The following PIK3C2A variants were observed in gnomAD, a reference collection of about 807,000 sequenced individuals.
PIK3C2A encodes the protein phosphatidylinositol-4-phosphate 3-kinase catalytic subunit type 2 alpha.
In PIK3C2A, 97 loss-of-function variants were observed where a neutral mutation model predicts 204.5. That is an observed-to-expected ratio of 0.47 (90% CI 0.40 to 0.56). PIK3C2A has a LOEUF of 0.56. PIK3C2A is among the 20% of genes least tolerant of loss of function. The pLI is 0.00. For synonymous variants in PIK3C2A, 653 were observed against 664.4 expected (o/e 0.98, Z 0.26); for missense variants, 1,735 against 1,969.2 (o/e 0.88, Z 2.25).
intron 15 of PIK3C2A, among the ~76,000 whole-genome samples, chr11:17,120,912 C>T (rs1002639308): frequency 5.9e-5 from 9 of 152,018 alleles, no homozygotes; most frequent in Non-Finnish European, 8.8e-5. Context: ...CAGGTTCAAG[C>T]GATTCTCCTG....
chr11:17,098,374 AC>A (rs751423878), intron 26 of PIK3C2A, among the ~76,000 whole-genome samples: 4 of 152,236 alleles, frequency 2.6e-5, no homozygotes, highest in Non-Finnish European at 5.9e-5. Context: ...AGTTCTCCCT[AC>A]CATGTGAGGA....
At chr11:17,090,206 C>A (rs970322172) in intron 32 of PIK3C2A, among the ~76,000 whole-genome samples, 2 of 152,158 alleles carry the variant, frequency 1.3e-5, no homozygotes, top group Admixed American at 1.3e-4. Context: ...TGGTGGCTCA[C>A]GCCTGTAATC....
intron 1 of PIK3C2A, among the ~76,000 whole-genome samples, chr11:17,180,598 G>A (rs564195842): frequency 2.0e-4 from 30 of 151,402 alleles, no homozygotes; most frequent in African/African-American, 7.0e-4. Context: ...GAGACAGGTG[G>A]ATCACCTGAG....
At chr11:17,194,087 C>A in intron 1 of PIK3C2A, 1 of 468,128 alleles carries the variant, frequency 2.1e-6, no homozygotes, top group African/African-American at 2.0e-5. Context: ...GGAGGTTAAG[C>A]CCAAGATCCC....
rs142797507 is a variant in PIK3C2A, at chr11:17,189,721, A to T, written c.-66+18127T>A. 6.7e-3 allele frequency among the ~76,000 whole-genome samples: 1,016 copies of T among 151,368 alleles called. 26 individuals are homozygous for T. The highest frequency in any genetic ancestry group is 0.024 in the African/African-American group (969 of 41,174). On this transcript the variant is annotated intron_variant, in intron 1 of 32. Transcript: ENST00000691414. ...TCCCTAATATTAGTGATTTTAAAAG[A>T]AGACAGTTTTGGAGAAGTATGAAAA...
chr11:17,117,965 G>A (rs533832224), intron 18 of PIK3C2A, among the ~76,000 whole-genome samples: 5 of 151,930 alleles, frequency 3.3e-5, no homozygotes, highest in East Asian at 1.9e-4. Context: ...CGCCCACTTC[G>A]GCCTCCCAAA....
intron 26 of PIK3C2A, among the ~76,000 whole-genome samples, chr11:17,098,850 G>T (rs1848531611): frequency 6.6e-6 from 1 of 152,192 alleles, no homozygotes; most frequent in South Asian, 2.1e-4. Context: ...GGCAGCAGCA[G>T]TCAGTAACCA....
intron 1 of PIK3C2A, among the ~76,000 whole-genome samples, chr11:17,206,604 A>G (rs904161652): frequency 6.6e-6 from 1 of 150,460 alleles, no homozygotes; most frequent in African/African-American, 2.4e-5. Context: ...AAAAAAAAAG[A>G]GCACCAACCC....
At chr11:17,157,327 G>A in intron 2 of PIK3C2A, among the ~76,000 whole-genome samples, 1 of 152,068 alleles carries the variant, frequency 6.6e-6, no homozygotes, top group East Asian at 1.9e-4. Flanking sequence ...AGGCGTGGTG[G>A]CAAGTGCTTG....
chr11:17,175,073 A>T (rs1851296079), intron 1 of PIK3C2A, among the ~76,000 whole-genome samples: 1 of 152,178 alleles, frequency 6.6e-6, no homozygotes, highest in African/African-American at 2.4e-5. Context: ...AAGGATCTAG[A>T]TTTTTTAAAA....
intron 1 of PIK3C2A, among the ~76,000 whole-genome samples, chr11:17,203,670 C>T (rs1310988812): frequency 2.0e-5 from 3 of 152,012 alleles, no homozygotes; most frequent in Non-Finnish European, 4.4e-5. Flanking sequence ...GCCTCTAGAT[C>T]TTTTTTGTGG....
chr11:17,132,272 T>C (rs1849719592), intron 11 of PIK3C2A, among the ~76,000 whole-genome samples: 1 of 152,176 alleles, frequency 6.6e-6, no homozygotes, highest in East Asian at 1.9e-4. Context: ...AGGTCCCAGT[T>C]TAAAGCATGG....
chr11:17,181,707 C>CAT (rs1851574211), intron 1 of PIK3C2A, among the ~76,000 whole-genome samples: 1 of 134,298 alleles, frequency 7.4e-6, no homozygotes, highest in Non-Finnish European at 1.6e-5. Context: ...CACACACACA[C>CAT]GATTTGATTC....
chr11:17,090,011 C>A, intron 32 of PIK3C2A, 91 bp from the exon 33 acceptor site: 1 of 910,364 alleles, frequency 1.1e-6, no homozygotes, highest in Non-Finnish European at 1.7e-6. Flanking sequence ...GAATATTAGC[C>A]AAAGAGTGAC....
intron 3 of PIK3C2A, among the ~76,000 whole-genome samples, chr11:17,154,727 T>G (rs937600058): frequency 2.0e-5 from 3 of 151,908 alleles, no homozygotes; most frequent in Admixed American, 1.3e-4. Flanking sequence ...GTGAGGAAGG[T>G]GAAGGAAAGG....
At chr11:17,178,879 G>A (rs1349204834) in intron 1 of PIK3C2A, among the ~76,000 whole-genome samples, 4 of 151,024 alleles carry the variant, frequency 2.6e-5, no homozygotes, top group Non-Finnish European at 4.4e-5. Context: ...ACAGGCGCCC[G>A]CCACCGCGCC....
chr11:17,143,496 G>T (rs534794628), intron 8 of PIK3C2A, among the ~76,000 whole-genome samples: 1 of 152,234 alleles, frequency 6.6e-6, no homozygotes, highest in South Asian at 2.1e-4. Flanking sequence ...GCTAGAGCAG[G>T]AGTCGGCCAA....
rs1852650920 is a variant in PIK3C2A, at chr11:17,207,916, T to A, written c.-134A>T. 1 of 152,566 alleles carries A rather than the reference T, an allele frequency of 6.6e-6. No homozygotes were observed. The highest frequency in any genetic ancestry group is 2.4e-5 in the African/African-American group (1 of 41,456). 9.5% of individuals were successfully genotyped at this position (152,566 alleles called of 1,614,324 possible). A position where few individuals can be genotyped will look rare whatever the true frequency, so the allele number is the denominator to read the frequency against. ...CGAAGCCGCCACAGTCCGAGCCATT[T>A]TTCCCCTCAGCTGGCTCAGCCGCCG... is the stretch of plus-strand genomic sequence containing the variant. On this transcript the variant is annotated 5_prime_UTR_variant, in exon 1 of 33. Transcript: ENST00000691414.
intron 13 of PIK3C2A, among the ~76,000 whole-genome samples, chr11:17,127,163 C>T (rs1849553198): frequency 6.6e-6 from 1 of 152,134 alleles, no homozygotes; most frequent in African/African-American, 2.4e-5. Flanking sequence ...CTTCAACTGC[C>T]TTTCTTTAGC....
Sources: gnomAD v4.1 joint callset for allele counts (sites outside exome capture counted in the v4.1 genomes callset) on GRCh38, gnomAD v4.1.1 for gene constraint, MANE v1.5 for transcripts, NCBI Gene and HGNC (gene_info 2026-07-23, HGNC 2026-07-21) for gene names.